Variants in CCSER1 observed in about 807,000 individuals in gnomAD.
The protein encoded by CCSER1 is coiled-coil serine rich protein 1.
A neutral mutation model predicts 82.0 loss-of-function variants in CCSER1; 41 were observed. The observed-to-expected ratio is 0.50, with a 90% CI of 0.39 to 0.65. The LOEUF (loss-of-function observed/expected upper bound fraction) is 0.65. CCSER1 is among the 30% of genes least tolerant of loss of function. The probability of loss-of-function intolerance (pLI) is 0.00; values close to 1 mark genes in which losing one functional copy is unlikely to be tolerated. For synonymous variants in CCSER1, 414 were observed against 383.9 expected, an observed-to-expected ratio of 1.08 and a Z score of -0.92; for missense variants, 1,119 against 1,064.2, an observed-to-expected ratio of 1.05 and a Z score of -0.72.
In CCSER1 at chr4:91,042,280, A is replaced by G. The variant is rs114995214; in HGVS notation, c.2173-43670A>G. 3.0e-3 allele frequency among the ~76,000 whole-genome samples: 459 copies of G among 152,218 alleles called. 1 individual carries two copies. Among genetic ancestry groups the G allele is most frequent in the African/African-American group, 9.5e-3 (396 of 41,544 alleles). Reference sequence around the variant, plus strand: ...GTGTTTGGTAGTGCATCCAGCGTTCATTCGCCTTCCTGCTGCCTTGTGAAG... The same window carrying G: ...GTGTTTGGTAGTGCATCCAGCGTTCGTTCGCCTTCCTGCTGCCTTGTGAAG... On this transcript the variant is annotated intron_variant, in intron 9 of 10. Transcript: ENST00000509176.
chr4:90,727,112 G>T, intron 7 of CCSER1: 1 of 376,906 alleles, frequency 2.7e-6, no homozygotes, highest in African/African-American at 2.1e-5. Flanking sequence ...AGAACTGTCA[G>T]ATTCTTTTAC....
At chr4:90,793,002 G>T (rs1487542364) in intron 7 of CCSER1, among the ~76,000 whole-genome samples, 1 of 152,072 alleles carries the variant, frequency 6.6e-6, no homozygotes, top group Non-Finnish European at 1.5e-5. Context: ...CTCTGGCCAG[G>T]CCTCAAAACT....
At chr4:90,403,716 C>A (rs1412234918) in intron 4 of CCSER1, among the ~76,000 whole-genome samples, 7 of 152,020 alleles carry the variant, frequency 4.6e-5, no homozygotes, top group Admixed American at 3.3e-4. Context: ...AAAAATACTT[C>A]TTAAAGACAA....
chr4:90,492,032 A>G (rs1486917388), intron 5 of CCSER1, among the ~76,000 whole-genome samples: 2 of 152,170 alleles, frequency 1.3e-5, no homozygotes, highest in Non-Finnish European at 2.9e-5. Context: ...CTGGCCTCAT[A>G]AAATGAGTTA....
At chr4:91,356,929 C>T (rs910720994) in intron 10 of CCSER1, among the ~76,000 whole-genome samples, 8 of 152,260 alleles carry the variant, frequency 5.3e-5, no homozygotes, top group Admixed American at 1.3e-4. Flanking sequence ...CACGCCTGGT[C>T]GACTGAAGGA....
At chr4:91,558,692 G>T (rs906672626) in intron 10 of CCSER1, among the ~76,000 whole-genome samples, 15 of 151,456 alleles carry the variant, frequency 9.9e-5, no homozygotes, top group African/African-American at 3.6e-4. Flanking sequence ...TGAGAAAGAA[G>T]CAAAGTTGGA....
At chr4:90,532,807 G>A (rs1307380087) in intron 5 of CCSER1, among the ~76,000 whole-genome samples, 2 of 152,070 alleles carry the variant, frequency 1.3e-5, no homozygotes, top group South Asian at 2.1e-4. Context: ...GTCCCACTAT[G>A]TACAAATAGA....
At chr4:91,410,643 A>T (rs562330399) in intron 10 of CCSER1, among the ~76,000 whole-genome samples, 6 of 152,166 alleles carry the variant, frequency 3.9e-5, no homozygotes, top group Non-Finnish European at 7.4e-5. Context: ...TTATGGCAAA[A>T]CATATTATGG....
At chr4:91,138,747 A>T (rs996066398) in intron 10 of CCSER1, among the ~76,000 whole-genome samples, 4 of 146,076 alleles carry the variant, frequency 2.7e-5, no homozygotes, top group African/African-American at 1.0e-4. Flanking sequence ...CAAGAAAAAA[A>T]CAAACAACCC....
chr4:91,394,904 C>T (rs1324893448), intron 10 of CCSER1, among the ~76,000 whole-genome samples: 1 of 151,280 alleles, frequency 6.6e-6, no homozygotes, highest in Non-Finnish European at 1.5e-5. Flanking sequence ...TTTTCACATC[C>T]TCTGTGATAA....
chr4:91,407,545 GTAATTTA>G lies in CCSER1; in HGVS notation c.2218-191023_2218-191017del, dbSNP rs140840848. 1.9e-3 allele frequency among the ~76,000 whole-genome samples: 287 copies of G among 152,292 alleles called. 8 individuals are homozygous for G. The East Asian group carries it at 0.045, about 24-fold the overall frequency. The stretch of plus-strand genomic sequence containing the variant: ...ACTATAAAGAAACACTTGAAGCCAA[GTAATTTA>G]TAAAGAAAAGAGGTTTATTTGGCTC... On this transcript the variant is annotated intron_variant, in intron 10 of 10. Coordinates refer to ENST00000509176, the MANE Select transcript of CCSER1 (RefSeq NM_001145065.2).
intron 9 of CCSER1, among the ~76,000 whole-genome samples, chr4:90,957,253 C>CT (rs58828538): frequency 6.8e-6 from 1 of 146,142 alleles, no homozygotes; most frequent in East Asian, 2.0e-4. Flanking sequence ...AGGCCCCCCC[C>CT]ACCACGTCCA....
chr4:91,087,252 TCTC>T (rs1263104733), intron 10 of CCSER1, among the ~76,000 whole-genome samples: 2 of 152,094 alleles, frequency 1.3e-5, no homozygotes, highest in African/African-American at 4.8e-5. Flanking sequence ...TTACTCGGCT[TCTC>T]CTTGCTGCTT....
At chr4:91,439,214 T>A (rs973267903) in intron 10 of CCSER1, among the ~76,000 whole-genome samples, 2 of 151,968 alleles carry the variant, frequency 1.3e-5, no homozygotes, top group African/African-American at 4.8e-5. Context: ...GGAAAAAATG[T>A]TAAGGGCAGC....
At chr4:90,883,842 G>T (rs949527987) in intron 8 of CCSER1, among the ~76,000 whole-genome samples, 3 of 152,096 alleles carry the variant, frequency 2.0e-5, no homozygotes, top group African/African-American at 7.2e-5. Flanking sequence ...CAGAAAGTTG[G>T]CAAGGACCTT....
chr4:91,517,477 G>T (rs1221094119), intron 10 of CCSER1, among the ~76,000 whole-genome samples: 6 of 152,010 alleles, frequency 3.9e-5, no homozygotes, highest in Non-Finnish European at 7.4e-5. Context: ...TAGTCAGTTT[G>T]GTTCATTTGT....
chr4:90,386,201 G>A (rs866445647), intron 3 of CCSER1, among the ~76,000 whole-genome samples: 1 of 152,116 alleles, frequency 6.6e-6, no homozygotes. Flanking sequence ...AATAGCCAAA[G>A]CAATTGTAAG....
At chr4:90,613,354 C>T (rs1281569089) in intron 5 of CCSER1, among the ~76,000 whole-genome samples, 3 of 152,046 alleles carry the variant, frequency 2.0e-5, no homozygotes, top group Non-Finnish European at 4.4e-5. Context: ...ACTACTTGTT[C>T]AGAAATCACT....
chr4:90,426,529 A>G (rs1331314723), intron 4 of CCSER1, among the ~76,000 whole-genome samples: 1 of 152,182 alleles, frequency 6.6e-6, no homozygotes, highest in Non-Finnish European at 1.5e-5. Context: ...AAAAGACTGA[A>G]GGAAAAATTC....
Sources: allele counts gnomAD v4.1 joint callset (sites outside exome capture counted in the v4.1 genomes callset), GRCh38; gene constraint gnomAD v4.1.1; transcripts MANE v1.5; gene names NCBI Gene and HGNC (gene_info 2026-07-23, HGNC 2026-07-21).